Variants in PIK3CB observed in about 807,000 individuals in gnomAD.
PIK3CB encodes the protein phosphatidylinositol 4,5-bisphosphate 3-kinase catalytic subunit beta isoform.
In PIK3CB, 39 loss-of-function variants were observed where a neutral mutation model predicts 136.8. The observed-to-expected ratio is 0.29, with a 90% CI of 0.22 to 0.37. PIK3CB has a LOEUF of 0.37. Among genes scored for constraint, PIK3CB ranks in the 10% least tolerant of loss-of-function variants. The probability of loss-of-function intolerance (pLI) is 1.00; values close to 1 mark genes in which losing one functional copy is unlikely to be tolerated. For synonymous variants in PIK3CB, 428 were observed against 436.6 expected (o/e 0.98, Z 0.25); for missense variants, 868 against 1,275.4 (o/e 0.68, Z 4.87).
chr3:138,716,025 TC>T (rs2044599712), intron 8 of PIK3CB, among the ~76,000 whole-genome samples: 1 of 152,070 alleles, frequency 6.6e-6, no homozygotes, highest in Non-Finnish European at 1.5e-5. Flanking sequence ...ATTATACTAT[TC>T]TACTTTTGTG....
intron 19 of PIK3CB, among the ~76,000 whole-genome samples, chr3:138,669,528 G>T (rs886175639): frequency 1.3e-5 from 2 of 151,946 alleles, no homozygotes; most frequent in African/African-American, 4.8e-5. Context: ...ATTTGTTGGG[G>T]TAGAGTGGGG....
At chr3:138,820,843 G>A (rs377235676) in intron 1 of PIK3CB, among the ~76,000 whole-genome samples, 2 of 152,114 alleles carry the variant, frequency 1.3e-5, no homozygotes, top group Admixed American at 6.6e-5. Flanking sequence ...TCATAGGAAC[G>A]TCCTATTTTT....
intron 4 of PIK3CB, among the ~76,000 whole-genome samples, chr3:138,746,554 G>C (rs959712196): frequency 2.6e-5 from 4 of 151,880 alleles, no homozygotes; most frequent in African/African-American, 9.7e-5. Context: ...CCAGCTCCTC[G>C]GGAGGCTGAG....
intron 19 of PIK3CB, among the ~76,000 whole-genome samples, chr3:138,679,472 T>C (rs2043717757): frequency 6.6e-6 from 1 of 152,166 alleles, no homozygotes; most frequent in Non-Finnish European, 1.5e-5. Context: ...TAATTTTAAA[T>C]AGTTCAGGAG....
At chr3:138,722,921 A>G (rs1258838532) in intron 8 of PIK3CB, among the ~76,000 whole-genome samples, 1 of 152,122 alleles carries the variant, frequency 6.6e-6, no homozygotes, top group Non-Finnish European at 1.5e-5. Context: ...GATTTATTTC[A>G]GGCCAAGTCA....
chr3:138,732,967 G>A (rs896027349), intron 8 of PIK3CB, among the ~76,000 whole-genome samples: 4 of 151,044 alleles, frequency 2.6e-5, no homozygotes, highest in East Asian at 1.9e-4. Context: ...TATAGTCTTC[G>A]GGTTGTACAT....
intron 19 of PIK3CB, among the ~76,000 whole-genome samples, chr3:138,672,573 T>C (rs1465068120): frequency 6.6e-6 from 1 of 151,970 alleles, no homozygotes; most frequent in Admixed American, 6.6e-5. Flanking sequence ...CGCAGATAAA[T>C]GAAAAAGTAA....
intron 19 of PIK3CB, among the ~76,000 whole-genome samples, chr3:138,672,029 G>T (rs954288741): frequency 6.6e-6 from 1 of 152,040 alleles, no homozygotes; most frequent in Admixed American, 6.5e-5. Context: ...TGGTACTGTG[G>T]TGTGCCTGGG....
At chr3:138,734,489 T>A (rs2045058774) in intron 7 of PIK3CB, 145 bp downstream of exon 7, 2 of 478,098 alleles carry the variant, frequency 4.2e-6, no homozygotes. Context: ...AGATAATTTT[T>A]AAATAAATGG....
At chr3:138,747,326 A>T (rs2045381227) in intron 4 of PIK3CB, among the ~76,000 whole-genome samples, 1 of 151,682 alleles carries the variant, frequency 6.6e-6, no homozygotes, top group Non-Finnish European at 1.5e-5. Flanking sequence ...CAGTAAACAC[A>T]ATTTAAAAAA....
chr3:138,697,737 C>T (rs1168782731), intron 13 of PIK3CB, among the ~76,000 whole-genome samples: 1 of 151,336 alleles, frequency 6.6e-6, no homozygotes, highest in African/African-American at 2.4e-5. Flanking sequence ...CCACAGACCC[C>T]AGCCATTTTA....
At chr3:138,676,639 C>T (rs1259165610) in intron 19 of PIK3CB, among the ~76,000 whole-genome samples, 1 of 152,156 alleles carries the variant, frequency 6.6e-6, no homozygotes, top group Admixed American at 6.5e-5. Flanking sequence ...TAAAATGTGG[C>T]ACATCCTTGC....
At chr3:138,738,273 G>T (rs1443061454) in intron 5 of PIK3CB, among the ~76,000 whole-genome samples, 1 of 151,990 alleles carries the variant, frequency 6.6e-6, no homozygotes, top group African/African-American at 2.4e-5. Context: ...CCAGGTTCAA[G>T]CAATTCTCCT....
Position 138,655,545 on chromosome 3 carries a change from A to T in PIK3CB, c.3076-19T>A. The stretch of plus-strand genomic sequence containing the variant: ...GAGAGTCCTAAAATGGAAGGGGGAA[A>T]ATATGATTTTATATAACTTTAGTAG... On this transcript the variant is annotated intron_variant, in intron 23 of 23. Coordinates refer to ENST00000674063, the MANE Select transcript of PIK3CB (RefSeq NM_006219.3). 6.3e-7 allele frequency: 1 copy of T among 1,595,296 alleles called. No homozygotes were observed. The highest frequency in any genetic ancestry group is 2.2e-5 in the East Asian group (1 of 44,774).
chr3:138,659,772 A>C (rs945743363), intron 21 of PIK3CB, among the ~76,000 whole-genome samples: 1 of 149,284 alleles, frequency 6.7e-6, no homozygotes, highest in Non-Finnish European at 1.5e-5. Flanking sequence ...TTCTCAGAAA[A>C]TTTTTGTGCT....
At position 138,795,177 on chromosome 3, in the gene PIK3CB, G is replaced by A. The variant is rs567759229; in HGVS notation, c.-17+1286C>T. Among the ~76,000 whole-genome samples, 8 of 151,686 alleles carry A rather than the reference G, an allele frequency of 5.3e-5. No homozygotes were observed. The East Asian group carries it at 5.8e-4, about 11-fold the overall frequency. ...TCTACTAAAAATACAAAAATTAGCC[G>A]ACCATAGTGGTGGGTGCCTGTAATC... On this transcript the variant is annotated intron_variant, in intron 2 of 23. Transcript: ENST00000674063.
intron 1 of PIK3CB, among the ~76,000 whole-genome samples, chr3:138,821,840 G>C (rs1188506865): frequency 4.6e-5 from 7 of 151,782 alleles, no homozygotes; most frequent in Admixed American, 3.9e-4. Context: ...AATGGTGAGT[G>C]AATGTGCACA....
intron 14 of PIK3CB, among the ~76,000 whole-genome samples, chr3:138,693,937 AT>A (rs1559819515): frequency 1.8e-4 from 5 of 27,904 alleles, no homozygotes; most frequent in African/African-American, 6.7e-4. Context: ...TTTGCTTAAA[AT>A]ATATATATAT....
At position 138,808,136 on chromosome 3, in the gene PIK3CB, T is replaced by C. The variant is rs534216411; in HGVS notation, c.-121-11569A>G. Among the ~76,000 whole-genome samples the C allele has an allele frequency of 1.2e-4, 19 of 152,292 alleles. No homozygotes were observed. The South Asian group carries it at 3.5e-3, about 28-fold the overall frequency. On this transcript the variant is annotated intron_variant, in intron 1 of 23. Transcript: ENST00000674063. Reference sequence around the variant, plus strand: ...ACATATGGTATTTGAATTCCAAAATTAACAGAGCTTTTTATCCACTGCTCA... The same window carrying C: ...ACATATGGTATTTGAATTCCAAAATCAACAGAGCTTTTTATCCACTGCTCA...
Sources: allele counts gnomAD v4.1 joint callset (sites outside exome capture counted in the v4.1 genomes callset), GRCh38; gene constraint gnomAD v4.1.1; transcripts MANE v1.5; gene names NCBI Gene and HGNC (gene_info 2026-07-23, HGNC 2026-07-21).